Variants in F13B observed in about 807,000 individuals in gnomAD.
F13B encodes the protein TGase.
A neutral mutation model predicts 79.8 loss-of-function variants in F13B; 58 were observed. The observed-to-expected ratio is 0.73, with a 90% confidence interval of 0.59 to 0.90. The LOEUF (loss-of-function observed/expected upper bound fraction) is 0.90, where lower values mean the gene tolerates loss of function less well. F13B is among the 40% of genes least tolerant of loss of function. F13B has a pLI of 0.00. For missense variants in F13B, 773 were observed against 777.0 expected, an observed-to-expected ratio of 0.99 and a Z score of 0.06; for synonymous variants, 283 against 260.3, an observed-to-expected ratio of 1.09 and a Z score of -0.84.
intron 9 of F13B, 55 bp downstream of exon 9, chr1:197,052,579 G>T: frequency 8.5e-7 from 1 of 1,179,878 alleles, no homozygotes; most frequent in Non-Finnish European, 1.2e-6. Context: ...ATTTTCAACC[G>T]AGGTAGCAGA....
chr1:197,050,528 T>C (rs2125062243), intron 10 of F13B, among the ~76,000 whole-genome samples, 169 bp downstream of exon 10: 1 of 152,300 alleles, frequency 6.6e-6, no homozygotes, highest in Middle Eastern at 3.4e-3. Context: ...ACTATAGGTA[T>C]TTATGATCTA....
At chr1:197,048,462 C>T (rs1329259734) in intron 10 of F13B, among the ~76,000 whole-genome samples, 1 of 151,578 alleles carries the variant, frequency 6.6e-6, no homozygotes, top group Non-Finnish European at 1.5e-5. Context: ...GAATGCTTGT[C>T]AAAAGCCCCT....
At chr1:197,049,435 A>G (rs769995051) in intron 10 of F13B, among the ~76,000 whole-genome samples, 54 of 152,098 alleles carry the variant, frequency 3.6e-4, no homozygotes, top group Non-Finnish European at 6.6e-4. Flanking sequence ...CATCAAAAAG[A>G]GGATAGGAAG....
In F13B at chr1:197,055,895, T is replaced by C. The variant is rs755802848; in HGVS notation, c.1174A>G (p.Asn392Asp). Reference protein sequence around the residue: ...KWTLPPECVENNENCKHPPVV... With the variant: ...KWTLPPECVEDNENCKHPPVV... ...GGAGGATGCTTACAATTCTCATTAT[T>C]TTCTAAGAAAAGAGGTTGTTTTAAA... The change falls in exon 8 of 12, where the codon AAT (asparagine) becomes GAT (aspartate). Residue 392 changes from asparagine (N) to aspartate (D), a missense_variant and splice_region_variant. Coordinates refer to ENST00000367412, the MANE Select transcript of F13B (RefSeq NM_001994.3). 2.5e-6 allele frequency: 4 copies of C among 1,613,054 alleles called. No individual in the cohort carries two copies. In the African/African-American group the frequency reaches 4.0e-5, roughly 16 times the overall value.
chr1:197,056,638 G>C (rs1655649158), intron 7 of F13B, among the ~76,000 whole-genome samples: 1 of 152,158 alleles, frequency 6.6e-6, no homozygotes, highest in Non-Finnish European at 1.5e-5. Flanking sequence ...AGAAGAAGTA[G>C]ATAATGCTCA....
At chr1:197,061,468 T>C (rs763265702) in intron 3 of F13B, among the ~76,000 whole-genome samples, 1 of 152,146 alleles carries the variant, frequency 6.6e-6, no homozygotes, top group Non-Finnish European at 1.5e-5. Context: ...TAAAATAATG[T>C]ACATGATCTT....
Position 197,055,709 on chromosome 1 carries a change from T to C in F13B, c.1354+6A>G. ...ACGTAGACATTCCATGTGTTCTCTT[T>C]CTTACCCAAGCAAACAGGTGGGGAT... is the stretch of plus-strand genomic sequence containing the variant. On this transcript the variant is annotated splice_donor_region_variant and intron_variant, in intron 8 of 11. Transcript: ENST00000367412. The C allele has an allele frequency of 1.2e-6, 2 of 1,613,312 alleles. No homozygotes were observed. Among genetic ancestry groups the C allele is most frequent in the Non-Finnish European group, 8.5e-7 (1 of 1,179,482 alleles).
chr1:197,049,488 G>A (rs1473573045), intron 10 of F13B, among the ~76,000 whole-genome samples: 1 of 152,026 alleles, frequency 6.6e-6, no homozygotes, highest in South Asian at 2.1e-4. Flanking sequence ...CAATGTAGTT[G>A]TAATGAACCA....
chr1:197,042,985 A>C (rs1319820505), intron 10 of F13B, among the ~76,000 whole-genome samples: 2 of 151,890 alleles, frequency 1.3e-5, no homozygotes, highest in East Asian at 2.0e-4. Flanking sequence ...AATTTCGGTA[A>C]ACCAAAGCAG....
At chr1:197,060,343 GA>G in intron 5 of F13B, 22 bp downstream of exon 5, 1 of 1,581,700 alleles carries the variant, frequency 6.3e-7, no homozygotes, top group Non-Finnish European at 8.7e-7. Context: ...GGCATTTTGC[GA>G]GTATTAAATT....
chr1:197,052,072 G>C (rs2125063790), intron 9 of F13B, among the ~76,000 whole-genome samples: 1 of 152,124 alleles, frequency 6.6e-6, no homozygotes, highest in African/African-American at 2.4e-5. Flanking sequence ...AATTGCTTTT[G>C]GCATTTTCGT....
rs17514830 is a variant in F13B at position 197,039,069 on chromosome 1, A to G, written c.*309T>C. The G allele has an allele frequency of 4.1e-3, 999 of 241,602 alleles. 9 individuals carry two copies. Among genetic ancestry groups the G allele is most frequent in the African/African-American group, 0.021 (923 of 43,950 alleles). 15.0% of individuals were successfully genotyped at this position (241,602 alleles called of 1,614,324 possible). On this transcript the variant is annotated 3_prime_UTR_variant, in exon 12 of 12. Transcript: ENST00000367412. The stretch of plus-strand genomic sequence containing the variant: ...GTGAATGTGAAATTTTTGCACATAC[A>G]GTATATTGAAAACAACTATATAGTC...
chr1:197,064,195 T>A (rs1655969990), intron 1 of F13B, among the ~76,000 whole-genome samples: 2 of 152,166 alleles, frequency 1.3e-5, no homozygotes, highest in African/African-American at 4.8e-5. Flanking sequence ...GGAACTCGCA[T>A]ATTTCTACAA....
intron 1 of F13B, among the ~76,000 whole-genome samples, chr1:197,064,277 A>G (rs1437635926): frequency 6.6e-6 from 1 of 152,172 alleles, no homozygotes; most frequent in East Asian, 1.9e-4. Flanking sequence ...AAACATGTAC[A>G]AACCATATTA....
intron 8 of F13B, among the ~76,000 whole-genome samples, chr1:197,053,739 C>A (rs759812341): frequency 3.9e-5 from 6 of 151,980 alleles, no homozygotes; most frequent in Non-Finnish European, 7.4e-5. Context: ...TTGCACTTTT[C>A]AGTAAGGTGA....
At chr1:197,065,400 TG>T (rs1381514962) in intron 1 of F13B, among the ~76,000 whole-genome samples, 1 of 152,148 alleles carries the variant, frequency 6.6e-6, no homozygotes, top group Non-Finnish European at 1.5e-5. Context: ...AAATCACAGA[TG>T]TCTGAACATA....
At chr1:197,047,323 A>G (rs1473692464) in intron 10 of F13B, among the ~76,000 whole-genome samples, 3 of 152,162 alleles carry the variant, frequency 2.0e-5, no homozygotes, top group South Asian at 4.1e-4. Flanking sequence ...GAAAAAAACA[A>G]CCCCATCAAA....
At chr1:197,041,384 CA>C (rs544871610) in intron 10 of F13B, among the ~76,000 whole-genome samples, 185 of 152,072 alleles carry the variant, frequency 1.2e-3, no homozygotes, top group Non-Finnish European at 2.1e-3. Context: ...TTAAAATACA[CA>C]AAAAAACCTC....
Position 197,063,863 on chromosome 1 carries a change from G to A in F13B, c.65-806C>T, listed in dbSNP as rs536947869. On this transcript the variant is annotated intron_variant, in intron 1 of 11. Coordinates refer to ENST00000367412, the MANE Select transcript of F13B (RefSeq NM_001994.3). ...GACATTTTAAGTACTGTCTCCAATA[G>A]CTATATGTGGCTGATGGCCACTGTA... Among the ~76,000 whole-genome samples, 16 of 151,854 alleles carry A rather than the reference G, an allele frequency of 1.1e-4. No homozygotes were observed. In the South Asian group the frequency reaches 3.3e-3, roughly 32 times the overall value.
Sources: allele counts gnomAD v4.1 joint callset (sites outside exome capture counted in the v4.1 genomes callset), GRCh38; gene constraint gnomAD v4.1.1; transcripts MANE v1.5; gene names NCBI Gene and HGNC (gene_info 2026-07-23, HGNC 2026-07-21).